Variants in NINL observed in about 807,000 individuals in gnomAD.
NINL encodes the protein ninein like.
A neutral mutation model predicts 160.3 loss-of-function variants in NINL; 153 were observed. That is an observed-to-expected ratio of 0.95 (90% CI 0.84 to 1.09). The LOEUF is 1.09. Ranked by LOEUF, NINL falls within the 50% of genes least tolerant of loss-of-function variation. NINL has a pLI of 0.00. For missense variants in NINL, 1,829 were observed against 1,764.0 expected (o/e 1.04, Z -0.66); for synonymous variants, 800 against 734.8 (o/e 1.09, Z -1.43).
intron 16 of NINL, 90 bp from the exon 17 acceptor site, chr20:25,477,179 C>T (rs1432263472): frequency 7.4e-6 from 9 of 1,214,414 alleles, no homozygotes; most frequent in South Asian, 1.5e-5. Context: ...GCAACGGCTG[C>T]GACCTCCTCT....
At chr20:25,543,118 CTGTT>C (rs2064690163) in intron 1 of NINL, among the ~76,000 whole-genome samples, 1 of 152,014 alleles carries the variant, frequency 6.6e-6, no homozygotes, top group Admixed American at 6.6e-5. Context: ...GTAAAATTAT[CTGTT>C]TGTAGATGAT....
At chr20:25,537,142 G>T (rs1484978763) in intron 1 of NINL, among the ~76,000 whole-genome samples, 1 of 152,122 alleles carries the variant, frequency 6.6e-6, no homozygotes, top group Non-Finnish European at 1.5e-5. Flanking sequence ...GGGTGCAGTG[G>T]CGTTGATCAC....
Position 25,534,512 on chromosome 20 carries a change from G to A in NINL, c.-11-7914C>T, listed in dbSNP as rs2064523677. Among the ~76,000 whole-genome samples, 4 of 152,326 alleles carry A rather than the reference G, an allele frequency of 2.6e-5. No homozygotes were observed. The South Asian group carries it at 8.3e-4, about 32-fold the overall frequency. ...GAGTGTACTTACACAAACCAAGATA[G>A]CATGGCCTACCACAAACCTAGGCCA... On this transcript the variant is annotated intron_variant, in intron 1 of 23. Transcript: ENST00000278886.
At chr20:25,547,898 A>G (rs1179349897) in intron 1 of NINL, among the ~76,000 whole-genome samples, 4 of 152,242 alleles carry the variant, frequency 2.6e-5, no homozygotes, top group Admixed American at 2.6e-4. Flanking sequence ...ACTTGTCAGC[A>G]TCAAAGTTTT....
chr20:25,565,092 C>A (rs1201114506), intron 1 of NINL, among the ~76,000 whole-genome samples: 2 of 152,140 alleles, frequency 1.3e-5, no homozygotes, highest in Non-Finnish European at 2.9e-5. Context: ...TCTCCAAAAG[C>A]CTCACCAGAT....
intron 5 of NINL, 109 bp from the exon 6 acceptor site, chr20:25,505,187 G>T: frequency 9.8e-7 from 1 of 1,018,476 alleles, no homozygotes. Flanking sequence ...GAATGAATGT[G>T]GAGGACATTA....
chr20:25,551,348 C>G (rs2064805524), intron 1 of NINL, among the ~76,000 whole-genome samples: 1 of 150,640 alleles, frequency 6.6e-6, no homozygotes, highest in African/African-American at 2.4e-5. Context: ...CCAGCCTGGG[C>G]AACAAGGGCG....
At chr20:25,456,008 A>C (rs2090665917) in intron 22 of NINL, among the ~76,000 whole-genome samples, 1 of 152,090 alleles carries the variant, frequency 6.6e-6, no homozygotes, top group Non-Finnish European at 1.5e-5. Context: ...AGGCAGGAGA[A>C]TCACTTGAAC....
At chr20:25,507,998 A>C (rs2063995064) in intron 5 of NINL, among the ~76,000 whole-genome samples, 1 of 152,194 alleles carries the variant, frequency 6.6e-6, no homozygotes, top group Non-Finnish European at 1.5e-5. Flanking sequence ...GGGGCAGAGA[A>C]CACTGAAATT....
At chr20:25,485,564 T>C (rs1184431317) in intron 13 of NINL, among the ~76,000 whole-genome samples, 1 of 152,260 alleles carries the variant, frequency 6.6e-6, no homozygotes, top group Non-Finnish European at 1.5e-5. Flanking sequence ...TGGGTACTTA[T>C]ACACCTTTTT....
At chr20:25,527,007 G>A (rs2064372742) in intron 1 of NINL, among the ~76,000 whole-genome samples, 1 of 152,162 alleles carries the variant, frequency 6.6e-6, no homozygotes, top group Non-Finnish European at 1.5e-5. Flanking sequence ...TTCAGCCTGG[G>A]CAGCAGAGTG....
Position 25,476,694 on chromosome 20 carries a change from C to A in NINL, c.2597G>T (p.Gly866Val). 6.3e-7 allele frequency: 1 copy of A among 1,594,850 alleles called. No individual in the cohort carries two copies. Among genetic ancestry groups the A allele is most frequent in the East Asian group, 2.2e-5 (1 of 44,656 alleles). The change falls in exon 17 of 24, where the codon GGC (glycine) becomes GTC (valine). Residue 866 changes from glycine (G) to valine (V), a missense_variant. Physicochemically the swap from Gly to Val is moderately radical, Grantham distance 109. Coordinates refer to ENST00000278886, the MANE Select transcript of NINL (RefSeq NM_025176.6). ...RPLAWLAPGDGRESEEAAGAG... is the reference protein window; with the variant it reads ...RPLAWLAPGDVRESEEAAGAG... ...TCCTGCCGCCTCCTCAGACTCTCTG[C>A]CATCACCTGGGGCCAGCCAGGCCAG...
Position 25,455,786 on chromosome 20 carries a change from C to T in NINL, c.3844G>A (p.Glu1282Lys). ...QARRRLDAQREEHEKQLKATE... is the reference protein window; with the variant it reads ...QARRRLDAQRKEHEKQLKATE... Reference sequence around the variant, plus strand: ...GCTTTCAGCTGTTTCTCATGTTCTTCCTGCCATAAAAGAAGGTTGCAGGTG... The same window carrying T: ...GCTTTCAGCTGTTTCTCATGTTCTTTCTGCCATAAAAGAAGGTTGCAGGTG... Residue 1282 changes from glutamate to lysine, a missense_variant and splice_region_variant, in exon 23 of 24, where the codon GAA becomes AAA. Glu to Lys is a moderately conservative substitution (Grantham distance 56). Coordinates refer to ENST00000278886, the MANE Select transcript of NINL (RefSeq NM_025176.6). 1.2e-6 allele frequency: 2 copies of T among 1,613,808 alleles called. No individual in the cohort carries two copies. The highest frequency in any genetic ancestry group is 1.7e-6 in the Non-Finnish European group (2 of 1,179,684).
intron 3 of NINL, among the ~76,000 whole-genome samples, chr20:25,513,915 C>A (rs2064118745): frequency 6.6e-6 from 1 of 152,166 alleles, no homozygotes; most frequent in Non-Finnish European, 1.5e-5. Flanking sequence ...AAATAAATTA[C>A]CCAGTCTCAG....
At chr20:25,472,954 A>T (rs1022227787) in intron 17 of NINL, among the ~76,000 whole-genome samples, 1 of 152,236 alleles carries the variant, frequency 6.6e-6, no homozygotes, top group Admixed American at 6.5e-5. Flanking sequence ...GAGAGCCAAA[A>T]ACTAGGAACT....
intron 1 of NINL, among the ~76,000 whole-genome samples, chr20:25,527,443 G>A (rs539676066): frequency 2.2e-4 from 34 of 152,104 alleles, no homozygotes; most frequent in African/African-American, 4.8e-4. Flanking sequence ...GTGAACCACC[G>A]CACGCAGCCC....
At chr20:25,495,424 A>G (rs979968490) in intron 10 of NINL, among the ~76,000 whole-genome samples, 3 of 152,072 alleles carry the variant, frequency 2.0e-5, no homozygotes, top group African/African-American at 7.2e-5. Flanking sequence ...AGCCACCACC[A>G]CCAGGACCAT....
At chr20:25,523,239 T>C (rs2064295704) in intron 2 of NINL, among the ~76,000 whole-genome samples, 1 of 151,844 alleles carries the variant, frequency 6.6e-6, no homozygotes, top group Non-Finnish European at 1.5e-5. Flanking sequence ...TGAGAGAATA[T>C]ATATATATGA....
At chr20:25,525,479 C>T (rs2064340685) in intron 2 of NINL, among the ~76,000 whole-genome samples, 1 of 152,042 alleles carries the variant, frequency 6.6e-6, no homozygotes, top group Non-Finnish European at 1.5e-5. Context: ...TGGCAAAACC[C>T]CATCTCTACA....
Sources: gnomAD v4.1 joint callset for allele counts (sites outside exome capture counted in the v4.1 genomes callset) on GRCh38, gnomAD v4.1.1 for gene constraint, MANE v1.5 for transcripts, NCBI Gene and HGNC (gene_info 2026-07-23, HGNC 2026-07-21) for gene names.